The following SAMHD1 variants were observed in gnomAD, a reference collection of about 807,000 sequenced individuals.
SAMHD1 encodes deoxynucleoside triphosphate triphosphohydrolase SAMHD1.
SAMHD1 carries 54 observed loss-of-function variants against 79.6 expected under a neutral mutation model. The ratio of observed to expected loss-of-function variants is 0.68; its 90% confidence interval spans 0.55 to 0.85. SAMHD1 has a LOEUF of 0.85. Ranked by LOEUF, SAMHD1 falls within the 40% of genes least tolerant of loss-of-function variation. The probability of loss-of-function intolerance (pLI) is 0.00; values close to 1 mark genes in which losing one functional copy is unlikely to be tolerated. For missense variants in SAMHD1, 663 were observed against 782.7 expected (o/e 0.85, Z 1.82); for synonymous variants, 260 against 264.1 (o/e 0.98, Z 0.15).
chr20:36,901,538 C>A (rs1364925982), intron 13 of SAMHD1, among the ~76,000 whole-genome samples: 1 of 152,040 alleles, frequency 6.6e-6, no homozygotes, highest in African/African-American at 2.4e-5. Flanking sequence ...GAGTTTGAGA[C>A]CAGCCTGGGC....
chr20:36,935,874 AT>A (rs1011386774), intron 3 of SAMHD1, among the ~76,000 whole-genome samples: 70 of 149,484 alleles, frequency 4.7e-4, no homozygotes, highest in African/African-American at 1.2e-3. Flanking sequence ...CCCGGCCTAA[AT>A]TTTTTTTTTT....
At chr20:36,931,651 C>T (rs989976244) in intron 4 of SAMHD1, among the ~76,000 whole-genome samples, 1 of 151,138 alleles carries the variant, frequency 6.6e-6, no homozygotes, top group Non-Finnish European at 1.5e-5. Context: ...ACCCTCCCCC[C>T]AAAAAAAGAA....
chr20:36,916,777 T>C lies in SAMHD1; in HGVS notation c.1007A>G (p.Lys336Arg). 6.2e-7 allele frequency: 1 copy of C among 1,614,064 alleles called. No homozygotes were observed. Among genetic ancestry groups the C allele is most frequent in the African/African-American group, 1.3e-5 (1 of 75,024 alleles). Residue 336 changes from lysine to arginine, a missense_variant, in exon 9 of 16, where the codon AAG (lysine) becomes AGG (arginine). Transcript: ENST00000646673. ...QNNFDYKRFI[K>R]FARVCEVDNE... ...GTCTACTTCACAGACACGGGCAAAC[T>C]TAATAAAGCGCTTGTAATCAAAATT...
chr20:36,949,240 C>T (rs1050529992), intron 1 of SAMHD1, among the ~76,000 whole-genome samples: 5 of 150,140 alleles, frequency 3.3e-5, no homozygotes, highest in African/African-American at 1.2e-4. Flanking sequence ...CTTCAGCCTG[C>T]GTGACAGAGC....
chr20:36,937,860 G>GTTTTT, intron 3 of SAMHD1, among the ~76,000 whole-genome samples: 1 of 102,730 alleles, frequency 9.7e-6, no homozygotes, highest in Non-Finnish European at 1.9e-5. Flanking sequence ...ATGTTGGTTT[G>GTTTTT]TTTTTTTTTT....
chr20:36,892,883 A>G lies in SAMHD1; in HGVS notation c.*49T>C. The G allele has an allele frequency of 5.6e-6, 9 of 1,610,150 alleles. No individual in the cohort carries two copies. Among genetic ancestry groups the G allele is most frequent in the Non-Finnish European group, 7.7e-6 (9 of 1,176,420 alleles). On this transcript the variant is annotated 3_prime_UTR_variant, in exon 16 of 16. Coordinates refer to ENST00000646673, the MANE Select transcript of SAMHD1 (RefSeq NM_015474.4). ...GCAGAATTCTATGATTGAAGCCTCT[A>G]AATGAATTGTGCAGGAGAGGGAGTT...
chr20:36,950,811 G>A (rs2063728710), intron 1 of SAMHD1, among the ~76,000 whole-genome samples: 1 of 152,172 alleles, frequency 6.6e-6, no homozygotes, highest in African/African-American at 2.4e-5. Context: ...CAAGGAAGGT[G>A]ATGGGAATTC....
Position 36,905,423 on chromosome 20 carries a change from G to A in SAMHD1, c.1351C>T (p.Arg451Cys), listed in dbSNP as rs1601119601. ...AREILKQIEY[R>C]NLFKYVGETQ... ...TCACCCACATACTTGAATAGATTAC[G>A]GTATTCAATTTGTTTTAAAATCTCT... The change falls in exon 12 of 16, where the codon CGT (arginine) becomes TGT (cysteine). Residue 451 changes from arginine (R) to cysteine (C), a missense_variant. By Grantham distance (180) the Arg-to-Cys change is radical (BLOSUM62 -3). Transcript: ENST00000646673. The A allele has an allele frequency of 3.1e-6, 5 of 1,612,678 alleles. No homozygotes were observed. Among genetic ancestry groups the A allele is most frequent in the South Asian group, 2.2e-5 (2 of 91,052 alleles).
intron 11 of SAMHD1, among the ~76,000 whole-genome samples, chr20:36,908,122 T>G (rs1601121945): frequency 6.6e-6 from 1 of 152,096 alleles, no homozygotes; most frequent in Non-Finnish European, 1.5e-5. Context: ...GTGATCCACC[T>G]GCCTCAGCCT....
intron 7 of SAMHD1, among the ~76,000 whole-genome samples, chr20:36,918,465 T>A (rs1358562080): frequency 5.7e-4 from 85 of 148,698 alleles, no homozygotes; most frequent in South Asian, 2.6e-3. Context: ...AAAAAAAAAA[T>A]TTTTTTTAAT....
chr20:36,893,093 C>T (rs200106463), intron 15 of SAMHD1, 27 bp from the exon 16 acceptor site: 12 of 1,610,066 alleles, frequency 7.5e-6, no homozygotes, highest in Admixed American at 1.7e-5. Flanking sequence ...GAAAAACAGG[C>T]AATAGAGAAA....
In SAMHD1 at chr20:36,904,328, A is replaced by C. The variant is rs532996830; in HGVS notation, c.1411-79T>G. 40 of 931,190 alleles carry C rather than the reference A, an allele frequency of 4.3e-5. No homozygotes were observed. In the African/African-American group the frequency reaches 5.8e-4, roughly 14 times the overall value. 57.7% of individuals were successfully genotyped at this position (931,190 alleles called of 1,614,324 possible). A position where few individuals can be genotyped will look rare whatever the true frequency, so the allele number is the denominator to read the frequency against. Reference sequence around the variant, plus strand: ...GCCACAAACAGGTTCTCTTTATGAAAATGGCACCTAACTAAGAAAAACGAT... The same window carrying C: ...GCCACAAACAGGTTCTCTTTATGAACATGGCACCTAACTAAGAAAAACGAT... On this transcript the variant is annotated intron_variant, in intron 12 of 15. Transcript: ENST00000646673.
intron 1 of SAMHD1, 70 bp downstream of exon 1, chr20:36,951,366 C>T (rs2063733332): frequency 6.2e-7 from 1 of 1,600,798 alleles, no homozygotes; most frequent in Non-Finnish European, 8.5e-7. Context: ...GTGGGGCCCC[C>T]TCCCTCAGGG....
chr20:36,948,865 CAAA>C (rs1234320388), intron 1 of SAMHD1, among the ~76,000 whole-genome samples: 4 of 86,324 alleles, frequency 4.6e-5, no homozygotes, highest in Admixed American at 1.2e-4. Context: ...GACTCTGTCT[CAAA>C]AAAAAAAAAA....
intron 4 of SAMHD1, among the ~76,000 whole-genome samples, chr20:36,933,697 C>T (rs1601143370): frequency 6.6e-6 from 1 of 151,670 alleles, no homozygotes; most frequent in South Asian, 2.1e-4. Context: ...CACCATGTTG[C>T]TCAGGCTGGT....
Position 36,907,204 on chromosome 20 carries a change from G to A in SAMHD1, c.1271-1701C>T, listed in dbSNP as rs559296594. On this transcript the variant is annotated intron_variant, in intron 11 of 15. Transcript: ENST00000646673. ...AGTCCTGTGCTCAAGCAATCCTCCT[G>A]CCTCAGCCCTTGAGCAGCTGTGACT... Among the ~76,000 whole-genome samples, 4 of 151,966 alleles carry A rather than the reference G, an allele frequency of 2.6e-5. No individual in the cohort carries two copies. In the South Asian group the frequency reaches 8.3e-4, roughly 32 times the overall value.
intron 6 of SAMHD1, among the ~76,000 whole-genome samples, chr20:36,921,392 C>CA (rs34384942): frequency 0.58 from 32,006 of 55,086 alleles, 11,696 homozygotes; most frequent in South Asian, 0.69. Context: ...GACTCTGTCT[C>CA]AAAAAAAAAA....
intron 11 of SAMHD1, 146 bp downstream of exon 11, chr20:36,911,072 A>AGT: frequency 1.8e-6 from 1 of 571,226 alleles, no homozygotes; most frequent in South Asian, 2.2e-5. Context: ...TGGGCAATAT[A>AGT]GTGAGACCCT....
intron 11 of SAMHD1, among the ~76,000 whole-genome samples, chr20:36,909,544 G>A (rs1174744951): frequency 1.3e-5 from 2 of 151,604 alleles, no homozygotes; most frequent in Non-Finnish European, 2.9e-5. Context: ...GGTGGTGGGC[G>A]CCTGTAATCC....
Sources: allele counts gnomAD v4.1 joint callset (sites outside exome capture counted in the v4.1 genomes callset), GRCh38; gene constraint gnomAD v4.1.1; transcripts MANE v1.5; gene names NCBI Gene and HGNC (gene_info 2026-07-23, HGNC 2026-07-21).